The following COL4A5 variants were observed in gnomAD, a reference collection of about 807,000 sequenced individuals.
The protein encoded by COL4A5 is collagen type IV alpha 5 chain.
COL4A5 carries 26 observed loss-of-function variants against 130.2 expected under a neutral mutation model. The observed-to-expected ratio is 0.20, with a 90% CI of 0.15 to 0.28. The LOEUF (loss-of-function observed/expected upper bound fraction) is 0.28, where lower values mean the gene tolerates loss of function less well. COL4A5 is among the 10% of genes least tolerant of loss of function. The probability of loss-of-function intolerance (pLI) is 1.00; values close to 1 mark genes in which losing one functional copy is unlikely to be tolerated. For missense variants in COL4A5, 1,131 were observed against 1,344.3 expected (o/e 0.84, Z 2.48); for synonymous variants, 496 against 439.6 (o/e 1.13, Z -1.60).
chrX:108,579,339 C>G (rs1049616854), intron 13 of COL4A5, among the ~76,000 whole-genome samples: 28 of 112,590 alleles, frequency 2.5e-4, no homozygotes, highest in Non-Finnish European at 4.9e-4. Context: ...CTTTGCAGCA[C>G]ATATCAGTGC....
rs1406126217 is a variant in COL4A5, at chrX:108,473,631, A to ATG, written c.81+33426_81+33427insGT. Among the ~76,000 whole-genome samples the ATG allele has an allele frequency of 7.6e-5, 2 of 26,471 alleles. 1 individual carries two copies. Among genetic ancestry groups the ATG allele is most frequent in the Non-Finnish European group, 1.9e-4 (2 of 10,779 alleles). 23.0% of individuals were successfully genotyped at this position (26,471 alleles called of 115,157 possible). A position where few individuals can be genotyped will look rare whatever the true frequency, so the allele number is the denominator to read the frequency against. On this transcript the variant is annotated intron_variant, in intron 1 of 52. Transcript: ENST00000328300. Reference sequence around the variant, plus strand: ...TATATATGTATATATATATATATATATATTTTTTTTTTTTTGAGATGAAGT... The same window carrying ATG: ...TATATATGTATATATATATATATATATGTATTTTTTTTTTTTTGAGATGAAGT...
intron 36 of COL4A5, chrX:108,627,555 G>A (rs1267371584): frequency 1.5e-6 from 1 of 687,303 alleles, no homozygotes; most frequent in Non-Finnish European, 1.7e-6. Context: ...GGACATATAT[G>A]TAGTTATTTA....
Position 108,586,699 on chromosome X carries a change from C to A in COL4A5, c.1117C>A (p.Arg373=). 4 of 1,209,169 alleles carry A rather than the reference C, an allele frequency of 3.3e-6. No homozygotes were observed. Among genetic ancestry groups the A allele is most frequent in the Non-Finnish European group, 4.5e-6 (4 of 893,844 alleles). Residue 373 remains arginine, a synonymous_variant, in exon 19 of 53, where the codon CGA becomes AGA. Transcript: ENST00000328300. Reference sequence around the variant, plus strand: ...TGGGTTGCCTGGAGAAAAAGGAGAGCGAGGATTTCCTGGAATACAGGGTCC... The same window carrying A: ...TGGGTTGCCTGGAGAAAAAGGAGAGAGAGGATTTCCTGGAATACAGGGTCC... ...LPGLPGEKGE[R]GFPGIQGPPG... is the part of the protein sequence containing the mutation.
chrX:108,669,518 A>C (rs1240144860), intron 41 of COL4A5, among the ~76,000 whole-genome samples: 1 of 112,090 alleles, frequency 8.9e-6, no homozygotes, highest in Admixed American at 9.5e-5. Flanking sequence ...AATCTGATGG[A>C]AAGTATTGTT....
At chrX:108,606,547 A>T (rs1233029699) in intron 28 of COL4A5, among the ~76,000 whole-genome samples, 195 bp from the exon 29 acceptor site, 1 of 109,584 alleles carries the variant, frequency 9.1e-6, no homozygotes, top group Non-Finnish European at 1.9e-5. Flanking sequence ...AATTTGTTTT[A>T]CTAAACCCTG....
rs895935787 is a variant in COL4A5, at chrX:108,630,380, G to A, written c.3246+4031G>A. 2.7e-5 allele frequency among the ~76,000 whole-genome samples: 3 copies of A among 111,763 alleles called. No individual in the cohort carries two copies. In the Admixed American group the frequency reaches 2.8e-4, roughly 11 times the overall value. ...TGGTGTGAGATGGTATCTCATTGTG[G>A]TTTTGATTTGCATTTCTCTGATGGC... On this transcript the variant is annotated intron_variant, in intron 36 of 52. Coordinates refer to ENST00000328300, the MANE Select transcript of COL4A5 (RefSeq NM_033380.3).
chrX:108,690,050 T>C (rs1399945397), intron 49 of COL4A5: 1 of 746,012 alleles, frequency 1.3e-6, no homozygotes, highest in African/African-American at 2.3e-5. Flanking sequence ...CTGTCCCAAA[T>C]TAGGCAGTAG....
chrX:108,499,716 C>T (rs1419422536), intron 1 of COL4A5, among the ~76,000 whole-genome samples: 1 of 111,378 alleles, frequency 9.0e-6, no homozygotes. Flanking sequence ...TTACATAATA[C>T]TCATTTGAAT....
Position 108,591,246 on chromosome X carries a change from T to G in COL4A5, c.1339+15T>G, listed in dbSNP as rs771139831. 3.3e-6 allele frequency: 4 copies of G among 1,198,715 alleles called. No homozygotes were observed. The highest frequency in any genetic ancestry group is 3.5e-5 in the South Asian group (2 of 56,391). ...CATTCCTCCTAGTAAGCTATATTTT[T>G]CTCCTATTAAGTTCTATTTTTGTTT... On this transcript the variant is annotated intron_variant, in intron 20 of 52. Transcript: ENST00000328300.
At chrX:108,459,519 A>G (rs890707272) in intron 1 of COL4A5, among the ~76,000 whole-genome samples, 23 of 112,509 alleles carry the variant, frequency 2.0e-4, no homozygotes, top group African/African-American at 7.1e-4. Context: ...ATAAATAACA[A>G]TGATGTGAAC....
At position 108,573,582 on chromosome X, in the gene COL4A5, A is replaced by G; in HGVS notation, c.474A>G (p.Pro158=). The G allele has an allele frequency of 8.3e-7, 1 of 1,198,597 alleles. No homozygotes were observed. Among genetic ancestry groups the G allele is most frequent in the Non-Finnish European group, 1.1e-6 (1 of 883,470 alleles). The change falls in exon 9 of 53, where the codon CCA becomes CCG. Residue 158 remains proline (P), a synonymous_variant. Coordinates refer to ENST00000328300, the MANE Select transcript of COL4A5 (RefSeq NM_033380.3). The part of the protein sequence containing the change: ...PPGIPGMKGE[P]GSIIMSSLPG... ...TTGATGGCTTCTTTTAGGGTGAACC[A>G]GGTAGTATAATTATGTCATCACTGC...
chrX:108,671,410 C>A lies in COL4A5; in HGVS notation c.3799+1174C>A, dbSNP rs180871234. On this transcript the variant is annotated intron_variant, in intron 42 of 52. Transcript: ENST00000328300. ...CCATTTGTTTCTACCTGAATTGATT[C>A]TCTAGTTTCTTACTCCACTGCAAAC... 1.0e-3 allele frequency among the ~76,000 whole-genome samples: 112 copies of A among 111,606 alleles called. 4 individuals are homozygous for A. The East Asian group carries it at 0.031, about 31-fold the overall frequency.
At chrX:108,464,740 G>A (rs1603248482) in intron 1 of COL4A5, among the ~76,000 whole-genome samples, 1 of 111,741 alleles carries the variant, frequency 8.9e-6, no homozygotes, top group East Asian at 2.8e-4. Context: ...CAAATTTAAG[G>A]GAACAAGTGA....
At chrX:108,618,707 A>G (rs765096798) in intron 30 of COL4A5, among the ~76,000 whole-genome samples, 1 of 110,246 alleles carries the variant, frequency 9.1e-6, no homozygotes, top group South Asian at 3.8e-4. Flanking sequence ...TAATTTTTAA[A>G]TGCTTAGTTT....
At chrX:108,633,811 G>T (rs1405833889) in intron 36 of COL4A5, among the ~76,000 whole-genome samples, 1 of 111,268 alleles carries the variant, frequency 9.0e-6, no homozygotes, top group African/African-American at 3.3e-5. Context: ...CTTTCAGATG[G>T]CATTATTATA....
At chrX:108,687,822 A>G (rs1214439408) in intron 49 of COL4A5, 128 bp downstream of exon 49, 7 of 566,187 alleles carry the variant, frequency 1.2e-5, no homozygotes, top group Admixed American at 2.6e-5. Context: ...ATTGAAAACC[A>G]TGTCAAAGGC....
intron 4 of COL4A5, among the ~76,000 whole-genome samples, chrX:108,564,873 C>T (rs28573754): frequency 0.1 from 11,600 of 111,171 alleles, 1,294 homozygotes; most frequent in African/African-American, 0.34. Context: ...TACTTCTTAA[C>T]ATCATGTAGC....
chrX:108,577,867 A>G (rs1191762709), intron 10 of COL4A5, 85 bp from the exon 11 acceptor site: 1 of 791,247 alleles, frequency 1.3e-6, no homozygotes, highest in Non-Finnish European at 1.8e-6. Context: ...GCTTTTTCAC[A>G]CCTTACTCTT....
At chrX:108,460,847 A>G (rs1464889518) in intron 1 of COL4A5, among the ~76,000 whole-genome samples, 2 of 108,594 alleles carry the variant, frequency 1.8e-5, no homozygotes, top group Non-Finnish European at 3.8e-5. Context: ...ATTTTTATTC[A>G]TAGTATACTC....
Sources: gnomAD v4.1 joint callset for allele counts (sites outside exome capture counted in the v4.1 genomes callset) on GRCh38, gnomAD v4.1.1 for gene constraint, MANE v1.5 for transcripts, NCBI Gene and HGNC (gene_info 2026-07-23, HGNC 2026-07-21) for gene names.